Variants in PPP1R13B observed in about 807,000 individuals in gnomAD.
The protein encoded by PPP1R13B is apoptosis-stimulating of p53 protein 1.
Under a neutral mutation model 119.8 loss-of-function variants are expected in PPP1R13B, and 44 were observed. The observed-to-expected ratio is 0.37, with a 90% CI of 0.29 to 0.47. The LOEUF (loss-of-function observed/expected upper bound fraction) is 0.47, where lower values mean the gene tolerates loss of function less well. Ranked by LOEUF, PPP1R13B falls within the 20% of genes least tolerant of loss-of-function variation. The pLI is 0.99. For synonymous variants in PPP1R13B, 542 were observed against 561.5 expected (o/e 0.97, Z 0.49); for missense variants, 1,227 against 1,413.5 (o/e 0.87, Z 2.12).
At chr14:103,828,164 C>G (rs1431123824) in intron 1 of PPP1R13B, among the ~76,000 whole-genome samples, 1 of 151,850 alleles carries the variant, frequency 6.6e-6, no homozygotes, top group African/African-American at 2.4e-5. Flanking sequence ...GTCAGGAGTT[C>G]GAGACCAGCC....
chr14:103,804,073 T>C lies in PPP1R13B; in HGVS notation c.10-6555A>G, dbSNP rs948305290. 1.5e-5 allele frequency: 15 copies of C among 984,656 alleles called. No individual in the cohort carries two copies. The East Asian group carries it at 9.1e-4, about 59-fold the overall frequency. The allele number at this position is 984,656 out of a possible 1,614,324, so 61.0% of individuals were successfully genotyped here. A position where few individuals can be genotyped will look rare whatever the true frequency, so the allele number is the denominator to read the frequency against. ...ACCTGGTCTTGAAATCATCTAAGTG[T>C]GTCTTAACTTGCTCCATTTTTTTTT... On this transcript the variant is annotated intron_variant, in intron 1 of 16. Coordinates refer to ENST00000202556, the MANE Select transcript of PPP1R13B (RefSeq NM_015316.3).
Position 103,841,987 on chromosome 14 carries a change from C to T in PPP1R13B, c.9+5312G>A, listed in dbSNP as rs549917107. ...AAAGGTCCTCACTAACAAGTAGGAG[C>T]AAGAACCCTATTTCCAGTTCAGGGT... On this transcript the variant is annotated intron_variant, in intron 1 of 16. Transcript: ENST00000202556. Among the ~76,000 whole-genome samples the T allele has an allele frequency of 2.0e-5, 3 of 152,286 alleles. No individual in the cohort carries two copies. The South Asian group carries it at 6.2e-4, about 32-fold the overall frequency.
chr14:103,740,120 T>C lies in PPP1R13B; in HGVS notation c.2296A>G (p.Asn766Asp). 1.2e-6 allele frequency: 2 copies of C among 1,613,592 alleles called. No homozygotes were observed. Among genetic ancestry groups the C allele is most frequent in the Non-Finnish European group, 1.7e-6 (2 of 1,180,000 alleles). The change falls in exon 12 of 17, where the codon AAT becomes GAT. Residue 766 changes from asparagine (N) to aspartate (D), a missense_variant. Physicochemically the swap from Asn to Asp is conservative, Grantham distance 23 (BLOSUM62 1). Transcript: ENST00000202556. This position sits in a 1 kb window ranked among gnomAD's most constrained non-coding sequence, Gnocchi z 4.6. The part of the protein sequence containing the change: ...ADVDNGNTNA[N>D]GNLEELPPAQ... ...GGGGGGAGCTCTTCCAGGTTTCCAT[T>C]GGCATTGGTGTTTCCATTGTCCACA...
intron 1 of PPP1R13B, among the ~76,000 whole-genome samples, chr14:103,829,890 C>T (rs1369501176): frequency 2.7e-5 from 4 of 150,744 alleles, no homozygotes; most frequent in Non-Finnish European, 3.0e-5. Flanking sequence ...GCGATTCTCC[C>T]GAGTCAGCCT....
chr14:103,776,558 T>C (rs2085199098), intron 4 of PPP1R13B, among the ~76,000 whole-genome samples: 1 of 152,152 alleles, frequency 6.6e-6, no homozygotes, highest in South Asian at 2.1e-4. Flanking sequence ...AGATGCCTAG[T>C]TAGTGTTACA....
Position 103,847,302 on chromosome 14 carries a change from C to A in PPP1R13B, c.6G>T (p.Met2Ile). 1 of 1,247,626 alleles carries A rather than the reference C, an allele frequency of 8.0e-7. No individual in the cohort carries two copies. The highest frequency in any genetic ancestry group is 1.7e-5 in the South Asian group (1 of 59,990). The allele number at this position is 1,247,626 out of a possible 1,614,324, so 77.3% of individuals were successfully genotyped here. MMPMILTVFLSN... is the reference protein window; with the variant it reads MIPMILTVFLSN... ...CCTCCCGCCCGCCCTCACCCACCGG[C>A]ATCATCGCGGGGAGAGTCCGCGACG... The change falls in exon 1 of 17, where the codon ATG (methionine) becomes ATT (isoleucine). Residue 2 changes from methionine (M) to isoleucine (I), a missense_variant. Met to Ile is a conservative substitution (Grantham distance 10). Transcript: ENST00000202556.
chr14:103,828,532 T>C (rs1470297749), intron 1 of PPP1R13B, among the ~76,000 whole-genome samples: 1 of 152,178 alleles, frequency 6.6e-6, no homozygotes, highest in East Asian at 1.9e-4. Context: ...CTGAGCTAAC[T>C]TCTGCCCTCA....
rs76525582 is a variant in PPP1R13B, at chr14:103,803,195, C to A, written c.10-5677G>T. Among the ~76,000 whole-genome samples, 426 of 152,216 alleles carry A rather than the reference C, an allele frequency of 2.8e-3. 7 individuals carry two copies. Among genetic ancestry groups the A allele is most frequent in the Admixed American group, 0.019 (293 of 15,288 alleles). On this transcript the variant is annotated intron_variant, in intron 1 of 16. Coordinates refer to ENST00000202556, the MANE Select transcript of PPP1R13B (RefSeq NM_015316.3). ...ATAACATCTTTGAAATCATAGTACA[C>A]CTCACGATGGCATGACACAATTTAA...
intron 1 of PPP1R13B, among the ~76,000 whole-genome samples, chr14:103,826,984 C>T (rs1166152097): frequency 1.3e-5 from 2 of 150,648 alleles, no homozygotes; most frequent in Non-Finnish European, 2.9e-5. Context: ...TGCACTCCAG[C>T]CTGGGTGACA....
chr14:103,842,461 C>A (rs949224394), intron 1 of PPP1R13B, among the ~76,000 whole-genome samples: 1 of 151,834 alleles, frequency 6.6e-6, no homozygotes, highest in Non-Finnish European at 1.5e-5. Context: ...CTCCATCACA[C>A]CTGGCTAATT....
At chr14:103,768,248 TG>T (rs971963397) in intron 4 of PPP1R13B, among the ~76,000 whole-genome samples, 1 of 151,914 alleles carries the variant, frequency 6.6e-6, no homozygotes, top group Non-Finnish European at 1.5e-5. Context: ...CCCGGATAGC[TG>T]GGATTACAGG....
At chr14:103,829,387 A>C (rs1234563976) in intron 1 of PPP1R13B, among the ~76,000 whole-genome samples, 2 of 152,218 alleles carry the variant, frequency 1.3e-5, no homozygotes, top group Admixed American at 1.3e-4. Context: ...ATGTCTTTGA[A>C]CTATAGTGAA....
Position 103,784,583 on chromosome 14 carries a change from C to CAAAA in PPP1R13B, c.277+208_277+211dup, listed in dbSNP as rs546875688. On this transcript the variant is annotated intron_variant, in intron 3 of 16. Coordinates refer to ENST00000202556, the MANE Select transcript of PPP1R13B (RefSeq NM_015316.3). ...GGGCGACAGAGTGAGACTCTGTCTC[C>CAAAA]AAAAAAAAAAAAAAAAAAAAAAAAA... Among the ~76,000 whole-genome samples, 267 of 60,564 alleles carry CAAAA rather than the reference C, an allele frequency of 4.4e-3. 4 individuals carry two copies. Among genetic ancestry groups the CAAAA allele is most frequent in the Non-Finnish European group, 5.5e-3 (188 of 33,892 alleles). The allele number at this position is 60,564 out of a possible 152,430, so 39.7% of individuals were successfully genotyped here.
At chr14:103,755,915 A>T (rs4641668) in intron 5 of PPP1R13B, among the ~76,000 whole-genome samples, 8,599 of 152,276 alleles carry the variant, frequency 0.056, 257 homozygotes, top group Middle Eastern at 0.12. Flanking sequence ...AGTCCAACCC[A>T]AATTATTATT....
chr14:103,838,012 G>A lies in PPP1R13B; in HGVS notation c.9+9287C>T, dbSNP rs146453384. Among the ~76,000 whole-genome samples, 863 of 152,184 alleles carry A rather than the reference G, an allele frequency of 5.7e-3. 8 individuals carry two copies. Among genetic ancestry groups the A allele is most frequent in the African/African-American group, 0.02 (820 of 41,502 alleles). ...CGCACACCTGTAGTCCCAGCTCCTCGGGAGGCTGAGGCAGAAGAATCGCTT... is the reference window on the plus strand; with the variant it reads ...CGCACACCTGTAGTCCCAGCTCCTCAGGAGGCTGAGGCAGAAGAATCGCTT... On this transcript the variant is annotated intron_variant, in intron 1 of 16. Coordinates refer to ENST00000202556, the MANE Select transcript of PPP1R13B (RefSeq NM_015316.3).
chr14:103,802,658 C>T (rs1028605353), intron 1 of PPP1R13B, among the ~76,000 whole-genome samples: 3 of 152,084 alleles, frequency 2.0e-5, no homozygotes, highest in Admixed American at 6.6e-5. Flanking sequence ...CTCTGAAACG[C>T]GGAATTCTTT....
At chr14:103,840,717 G>A (rs1249481226) in intron 1 of PPP1R13B, among the ~76,000 whole-genome samples, 3 of 151,950 alleles carry the variant, frequency 2.0e-5, no homozygotes, top group African/African-American at 7.3e-5. Context: ...CTTGAACCTG[G>A]GAGGTGGAGG....
chr14:103,812,694 C>T (rs1236220755), intron 1 of PPP1R13B, among the ~76,000 whole-genome samples: 10 of 152,170 alleles, frequency 6.6e-5, no homozygotes, highest in African/African-American at 2.4e-4. Flanking sequence ...GGATTACACG[C>T]GTGAGCCACC....
At chr14:103,798,624 C>G (rs1165284300) in intron 1 of PPP1R13B, among the ~76,000 whole-genome samples, 1 of 152,034 alleles carries the variant, frequency 6.6e-6, no homozygotes, top group Non-Finnish European at 1.5e-5. Context: ...TAATATATCA[C>G]AGTAAAAGAA....
Sources: gnomAD v4.1 joint callset for allele counts (sites outside exome capture counted in the v4.1 genomes callset) on GRCh38, gnomAD v4.1.1 for gene constraint, Gnocchi (gnomAD v3.1) non-coding constraint, MANE v1.5 for transcripts, NCBI Gene and HGNC (gene_info 2026-07-23, HGNC 2026-07-21) for gene names.